The following NEB variants were observed in gnomAD, a reference collection of about 807,000 sequenced individuals.
The protein encoded by NEB is nebulin, also known as nemaline myopathy type 2.
In NEB, 512 loss-of-function variants were observed where a neutral mutation model predicts 952.2. The ratio of observed to expected loss-of-function variants is 0.54; its 90% CI spans 0.50 to 0.58. NEB has a LOEUF of 0.58. Among genes scored for constraint, NEB ranks in the 20% least tolerant of loss-of-function variants. NEB has a pLI of 0.00. For missense variants in NEB, 8,428 were observed against 9,231.1 expected (o/e 0.91, Z 3.56); for synonymous variants, 2,900 against 3,149.8 (o/e 0.92, Z 2.66).
At chr2:151,612,871 A>G (rs2098047425) in intron 77 of NEB, among the ~76,000 whole-genome samples, 1 of 152,156 alleles carries the variant, frequency 6.6e-6, no homozygotes. Context: ...TCTTTTTCGT[A>G]TGCTTCTATG....
intron 165 of NEB, among the ~76,000 whole-genome samples, chr2:151,504,943 C>G (rs1399707198): frequency 4.6e-5 from 7 of 151,856 alleles, no homozygotes; most frequent in Non-Finnish European, 1.0e-4. Context: ...ATGGAGAGAG[C>G]AAAGAATACA....
At chr2:151,545,069 G>C (rs1295401935) in intron 135 of NEB, among the ~76,000 whole-genome samples, 7 of 152,196 alleles carry the variant, frequency 4.6e-5, no homozygotes, top group Non-Finnish European at 1.5e-5. Flanking sequence ...GAGAGAATCA[G>C]ATCTATTCAC....
At chr2:151,707,959 A>G (rs908571609) in intron 12 of NEB, among the ~76,000 whole-genome samples, 1 of 151,974 alleles carries the variant, frequency 6.6e-6, no homozygotes, top group African/African-American at 2.4e-5. Flanking sequence ...TCCTTGAAAA[A>G]TGGAAACGAC....
Position 151,561,082 on chromosome 2 carries a change from C to G in NEB, c.19128G>C (p.Gln6376His), listed in dbSNP as rs2096009986. 1 of 1,598,258 alleles carries G rather than the reference C, an allele frequency of 6.3e-7. No individual in the cohort carries two copies. The highest frequency in any genetic ancestry group is 8.5e-7 in the Non-Finnish European group (1 of 1,171,062). The change falls in exon 123 of 182, where the codon CAG becomes CAC. Residue 6376 changes from glutamine to histidine, a missense_variant. Physicochemically the swap from Gln to His is conservative, Grantham distance 24 (BLOSUM62 0). Around this residue, in one of 11 missense-constraint regions of NEB, gnomAD observed 3,374 missense variants for 3,651.5 expected, o/e 0.92. Transcript: ENST00000397345. The part of the protein sequence containing the change: ...SEVKYKENYH[Q>H]IKDKYTTVLE... The stretch of plus-strand genomic sequence containing the variant: ...GAACTGTTGTGTATTTGTCCTTAAT[C>G]TGATGATAATTTTCTTTATATTTTA...
At chr2:151,718,217 T>C (rs1464438591) in intron 9 of NEB, among the ~76,000 whole-genome samples, 1 of 152,074 alleles carries the variant, frequency 6.6e-6, no homozygotes, top group African/African-American at 2.4e-5. Context: ...ACTCCATGGA[T>C]TAGGCAATGC....
At position 151,642,773 on chromosome 2, in the gene NEB, A is replaced by G. The variant is rs548343514; in HGVS notation, c.8257T>C (p.Tyr2753His). ...VLLAKQNKVN[Y>H]SEKLYKLGLE... Reference sequence around the variant, plus strand: ...ATGAATATATTACTTACCTCACTGTAATTTACTTTGTTTTGTTTAGCTAAT... The same window carrying G: ...ATGAATATATTACTTACCTCACTGTGATTTACTTTGTTTTGTTTAGCTAAT... Residue 2753 changes from tyrosine (Y) to histidine (H), a missense_variant, in exon 59 of 182, where the codon TAC becomes CAC. This residue lies in a region of NEB where 1,772 missense variants were observed against 1,960.3 expected (regional missense o/e 0.90). Coordinates refer to ENST00000397345, the MANE Select transcript of NEB (RefSeq NM_001164508.2). The G allele has an allele frequency of 3.1e-6, 5 of 1,610,012 alleles. No homozygotes were observed. In the East Asian group the frequency reaches 8.9e-5, roughly 29 times the overall value.
intron 46 of NEB, among the ~76,000 whole-genome samples, chr2:151,661,484 G>A (rs1315623316): frequency 6.6e-6 from 1 of 152,064 alleles, no homozygotes; most frequent in Non-Finnish European, 1.5e-5. Flanking sequence ...GTTATCAAAG[G>A]CATTTCTCAT....
At chr2:151,507,194 T>C (rs976258616) in intron 162 of NEB, 181 bp from the exon 163 acceptor site, 1 of 550,516 alleles carries the variant, frequency 1.8e-6, no homozygotes, top group Non-Finnish European at 3.2e-6. Context: ...GAAACTAATT[T>C]TAAAAAACAT....
intron 10 of NEB, among the ~76,000 whole-genome samples, chr2:151,714,829 A>G (rs2099754821): frequency 1.3e-5 from 2 of 152,328 alleles, no homozygotes; most frequent in South Asian, 4.1e-4. Context: ...AACATGGGCC[A>G]ATGCATCTTG....
chr2:151,672,385 T>C lies in NEB; in HGVS notation c.4283A>G (p.Asn1428Ser), dbSNP rs565184120. The part of the protein sequence containing the change: ...AMSLEHTRNV[N>S]QIQSDNVYKD... ...CATACTTACATCACTCTGAATTTGA[T>C]TGACATTCCTCGTATGCTCAAGACT... is the stretch of plus-strand genomic sequence containing the variant. Residue 1428 changes from asparagine (N) to serine (S), a missense_variant, in exon 37 of 182, where the codon AAT (asparagine) becomes AGT (serine). By Grantham distance (46) the Asn-to-Ser change is conservative. Transcript: ENST00000397345. The C allele has an allele frequency of 5.2e-5, 83 of 1,599,532 alleles. No individual in the cohort carries two copies. The South Asian group carries it at 6.0e-4, about 12-fold the overall frequency.
intron 124 of NEB, among the ~76,000 whole-genome samples, chr2:151,559,764 G>A (rs537028649): frequency 6.6e-6 from 1 of 152,234 alleles, no homozygotes; most frequent in East Asian, 1.9e-4. Flanking sequence ...CACAGGGAGG[G>A]GAACATCACA....
chr2:151,617,703 T>C (rs143014154), intron 74 of NEB, among the ~76,000 whole-genome samples: 4 of 152,196 alleles, frequency 2.6e-5, no homozygotes, highest in African/African-American at 7.2e-5. Context: ...AAATAATTTA[T>C]AGGAAAGAGT....
chr2:151,577,230 C>A (rs1280251170), intron 105 of NEB, among the ~76,000 whole-genome samples: 1 of 152,170 alleles, frequency 6.6e-6, no homozygotes, highest in East Asian at 1.9e-4. Context: ...CTGACACAGA[C>A]TAGAAGGGAT....
At position 151,485,722 on chromosome 2, in the gene NEB, CTGT is replaced by C. The variant is rs1400802826; in HGVS notation, c.*35_*37del. The C allele has an allele frequency of 6.4e-7, 1 of 1,559,362 alleles. No homozygotes were observed. The highest frequency in any genetic ancestry group is 1.8e-5 in the Admixed American group (1 of 56,282). Reference sequence around the variant, plus strand: ...TAAACCGAAACATTGACTGCAGGATCTGTAAGTCCTGCAGACAAGTGTGATGCT... The same window carrying C: ...TAAACCGAAACATTGACTGCAGGATCAAGTCCTGCAGACAAGTGTGATGCT... On this transcript the variant is annotated 3_prime_UTR_variant, in exon 182 of 182. Coordinates refer to ENST00000397345, the MANE Select transcript of NEB (RefSeq NM_001164508.2).
At chr2:151,621,462 A>T (rs1187820055) in intron 71 of NEB, among the ~76,000 whole-genome samples, 1 of 152,208 alleles carries the variant, frequency 6.6e-6, no homozygotes, top group Non-Finnish European at 1.5e-5. Flanking sequence ...TTAGTGCTGA[A>T]CTAAAGATGT....
Position 151,656,464 on chromosome 2 carries a change from A to G in NEB, c.6184T>C (p.Tyr2062His), listed in dbSNP as rs1211955825. 3 of 1,590,408 alleles carry G rather than the reference A, an allele frequency of 1.9e-6. No individual in the cohort carries two copies. Among genetic ancestry groups the G allele is most frequent in the Non-Finnish European group, 1.7e-6 (2 of 1,164,596 alleles). ...AKASRDIASDYKYKYNYEKGK... is the reference protein window; with the variant it reads ...AKASRDIASDHKYKYNYEKGK... ...TTTTCATAATTGTACTTGTATTTAT[A>G]CTGTGAAGAAAATATGAGTTTTTAC... Residue 2062 changes from tyrosine to histidine, a missense_variant and splice_region_variant, in exon 49 of 182, where the codon TAT becomes CAT. This residue lies in a region of NEB where 2,851 missense variants were observed against 2,791.5 expected (regional missense o/e 1.02). Coordinates refer to ENST00000397345, the MANE Select transcript of NEB (RefSeq NM_001164508.2).
At position 151,701,719 on chromosome 2, in the gene NEB, T is replaced by C. The variant is rs981916866; in HGVS notation, c.1153-4071A>G. Reference sequence around the variant, plus strand: ...GTGGGATCGGTGGTGATATCCCCTTTATCATTTTTTATTGTGTCTATTTGA... The same window carrying C: ...GTGGGATCGGTGGTGATATCCCCTTCATCATTTTTTATTGTGTCTATTTGA... On this transcript the variant is annotated intron_variant, in intron 13 of 181. Coordinates refer to ENST00000397345, the MANE Select transcript of NEB (RefSeq NM_001164508.2). Among the ~76,000 whole-genome samples the C allele has an allele frequency of 3.0e-3, 458 of 150,982 alleles. 6 individuals carry two copies. Among genetic ancestry groups the C allele is most frequent in the African/African-American group, 0.01 (422 of 41,042 alleles).
chr2:151,552,813 T>C (rs2095417387), intron 127 of NEB, 37 bp from the exon 128 acceptor site: 5 of 1,481,702 alleles, frequency 3.4e-6, no homozygotes, highest in Admixed American at 1.8e-5. Flanking sequence ...TGTTGGACCA[T>C]TCCTTATGCT....
rs374390581 is a variant in NEB at position 151,733,144 on chromosome 2, C to T, written c.13G>A (p.Glu5Lys). Residue 5 changes from glutamate (E) to lysine (K), a missense_variant, in exon 3 of 182, where the codon GAA becomes AAA. Coordinates refer to ENST00000397345, the MANE Select transcript of NEB (RefSeq NM_001164508.2). MADD[E>K]DYEEVVEYYT... Reference sequence around the variant, plus strand: ...ACCTCCACCACCTCCTCATAGTCTTCGTCATCTGCCATTTTTCCAGAGTAG... The same window carrying T: ...ACCTCCACCACCTCCTCATAGTCTTTGTCATCTGCCATTTTTCCAGAGTAG... The T allele has an allele frequency of 5.9e-5, 94 of 1,604,950 alleles. No homozygotes were observed. Among genetic ancestry groups the T allele is most frequent in the African/African-American group, 2.0e-4 (15 of 74,844 alleles).
Sources: gnomAD v4.1 joint callset for allele counts (sites outside exome capture counted in the v4.1 genomes callset) on GRCh38, gnomAD v4.1.1 for gene constraint, gnomAD v4.1.1 regional missense constraint, MANE v1.5 for transcripts, NCBI Gene and HGNC (gene_info 2026-07-23, HGNC 2026-07-21) for gene names.